Variants in PRELID2 observed in about 807,000 individuals in gnomAD.
PRELID2 encodes the protein PRELI domain-containing protein 2.
In PRELID2, 25 loss-of-function variants were observed where a neutral mutation model predicts 28.4. The observed-to-expected ratio is 0.88, with a 90% CI of 0.64 to 1.23. The LOEUF is 1.23. Among genes scored for constraint, PRELID2 ranks in the 50% most tolerant of loss-of-function variants. PRELID2 has a pLI of 0.00. For synonymous variants in PRELID2, 76 were observed against 71.6 expected (o/e 1.06, Z -0.31); for missense variants, 201 against 214.4 (o/e 0.94, Z 0.39).
At position 145,559,421 on chromosome 5, in the gene PRELID2, T is replaced by C. The variant is rs552591819; in HGVS notation, n.71-86106A>G. Among the ~76,000 whole-genome samples, 10 of 152,326 alleles carry C rather than the reference T, an allele frequency of 6.6e-5. No homozygotes were observed. The East Asian group carries it at 1.9e-3, about 29-fold the overall frequency. On this transcript the variant is annotated intron_variant and non_coding_transcript_variant, in intron 1 of 2. Coordinates refer to the PRELID2 transcript ENST00000510259. ...CTGACCTGAAAATATTCTGTTACAC[T>C]AAGCTTAAAAGGCTGCAGAACATCA...
At chr5:145,823,723 T>C (rs1754986395) in intron 1 of PRELID2, among the ~76,000 whole-genome samples, 1 of 152,186 alleles carries the variant, frequency 6.6e-6, no homozygotes, top group African/African-American at 2.4e-5. Context: ...GTCATAGAAG[T>C]ATGCTTTGCT....
the PRELID2 span, among the ~76,000 whole-genome samples, chr5:145,356,036 A>G: frequency 2.0e-5 from 3 of 152,166 alleles, no homozygotes; most frequent in African/African-American, 7.2e-5. Flanking sequence ...AATTCTTCCA[A>G]TGTCTTACTA....
At chr5:145,774,564 C>A (rs1224237803) in intron 5 of PRELID2, among the ~76,000 whole-genome samples, 2 of 152,212 alleles carry the variant, frequency 1.3e-5, no homozygotes, top group East Asian at 3.9e-4. Context: ...CATAATGGGA[C>A]TCCCGCAGTG....
intron 1 of PRELID2, among the ~76,000 whole-genome samples, chr5:145,584,820 C>T (rs537268284): frequency 1.3e-3 from 203 of 152,232 alleles, no homozygotes; most frequent in African/African-American, 4.5e-3. Flanking sequence ...AAAGGGAACA[C>T]TTTTACACTG....
intron 1 of PRELID2, among the ~76,000 whole-genome samples, chr5:145,536,014 G>C (rs1248570875): frequency 6.6e-6 from 1 of 151,856 alleles, no homozygotes; most frequent in East Asian, 1.9e-4. Flanking sequence ...ATCTAATCAA[G>C]GTTAGTTAGA....
chr5:145,400,643 T>C, the PRELID2 span, among the ~76,000 whole-genome samples: 1 of 152,110 alleles, frequency 6.6e-6, no homozygotes, highest in Non-Finnish European at 1.5e-5. Context: ...TTTTCATTTT[T>C]CTCCTCAGCG....
At chr5:145,249,727 C>T in the PRELID2 span, among the ~76,000 whole-genome samples, 1 of 152,034 alleles carries the variant, frequency 6.6e-6, no homozygotes, top group Non-Finnish European at 1.5e-5. Context: ...GTTTTATTCT[C>T]TAGTATTAAG....
chr5:145,609,434 C>T (rs1753574991), intron 1 of PRELID2, among the ~76,000 whole-genome samples: 1 of 152,200 alleles, frequency 6.6e-6, no homozygotes, highest in Non-Finnish European at 1.5e-5. Flanking sequence ...GTCTCTGTAC[C>T]TTCATTTCCT....
the PRELID2 span, among the ~76,000 whole-genome samples, chr5:145,246,341 G>T: frequency 6.6e-6 from 1 of 152,040 alleles, no homozygotes; most frequent in Non-Finnish European, 1.5e-5. Flanking sequence ...AAGTACCGGG[G>T]ATATAATAGT....
At chr5:145,300,858 C>A in the PRELID2 span, among the ~76,000 whole-genome samples, 2 of 151,274 alleles carry the variant, frequency 1.3e-5, no homozygotes, top group Non-Finnish European at 3.0e-5. Flanking sequence ...GTCTTCTATT[C>A]GATTTTGTTT....
the PRELID2 span, among the ~76,000 whole-genome samples, chr5:145,324,989 G>A: frequency 6.6e-6 from 1 of 152,172 alleles, no homozygotes; most frequent in African/African-American, 2.4e-5. Flanking sequence ...GAAAAGTCAT[G>A]GGGTTCAAGT....
the PRELID2 span, among the ~76,000 whole-genome samples, chr5:145,249,797 A>T: frequency 6.6e-6 from 1 of 152,160 alleles, no homozygotes; most frequent in Non-Finnish European, 1.5e-5. Flanking sequence ...GAAAAAAGAC[A>T]TAATTTTAAA....
rs1753265460 is a variant in PRELID2, at chr5:145,803,316, C to T, written c.369-6769G>A. On this transcript the variant is annotated intron_variant, in intron 4 of 6. Transcript: ENST00000683046. ...GAACCCATTTACATAACTGCCTCCACAGAAAACCAATGCAATTTGCAGAGC... is the reference window on the plus strand; with the variant it reads ...GAACCCATTTACATAACTGCCTCCATAGAAAACCAATGCAATTTGCAGAGC... 1.3e-5 allele frequency among the ~76,000 whole-genome samples: 2 copies of T among 152,158 alleles called. 1 individual carries two copies. The highest frequency in any genetic ancestry group is 4.8e-5 in the African/African-American group (2 of 41,438).
At position 145,481,845 on chromosome 5, in the gene PRELID2, A is replaced by G. The variant is rs1580953342; in HGVS notation, n.71-8530T>C. On this transcript the variant is annotated intron_variant and non_coding_transcript_variant, in intron 1 of 2. Transcript: ENST00000510259. ...AATTGTATAGCACAGTATTTTAGAAATTAAATTCTGTATTGGTTCATTTGT... is the reference window on the plus strand; with the variant it reads ...AATTGTATAGCACAGTATTTTAGAAGTTAAATTCTGTATTGGTTCATTTGT... Among the ~76,000 whole-genome samples, 4 of 152,184 alleles carry G rather than the reference A, an allele frequency of 2.6e-5. No homozygotes were observed. The East Asian group carries it at 7.7e-4, about 29-fold the overall frequency.
At chr5:145,698,252 T>C (rs1007185279) in intron 1 of PRELID2, among the ~76,000 whole-genome samples, 5 of 152,210 alleles carry the variant, frequency 3.3e-5, no homozygotes, top group Non-Finnish European at 4.4e-5. Flanking sequence ...GAATGGTTAT[T>C]TGTCAGGTAC....
intron 1 of PRELID2, among the ~76,000 whole-genome samples, chr5:145,825,195 C>T (rs1288892312): frequency 7.8e-6 from 1 of 128,798 alleles, no homozygotes; most frequent in Non-Finnish European, 1.6e-5. Flanking sequence ...CACTGCACTC[C>T]AGCCTCGGTG....
chr5:145,591,646 T>TA, intron 1 of PRELID2, among the ~76,000 whole-genome samples: 1 of 152,018 alleles, frequency 6.6e-6, no homozygotes, highest in Non-Finnish European at 1.5e-5. Context: ...ATTTTTTTCA[T>TA]AAAAAAGCAC....
At chr5:145,323,325 AAGAAGGT>A in the PRELID2 span, among the ~76,000 whole-genome samples, 1 of 152,244 alleles carries the variant, frequency 6.6e-6, no homozygotes. Context: ...GGGCTGAAGT[AAGAAGGT>A]AGAACAATGG....
At chr5:145,583,449 G>T (rs543151284) in intron 1 of PRELID2, among the ~76,000 whole-genome samples, 1 of 152,124 alleles carries the variant, frequency 6.6e-6, no homozygotes, top group African/African-American at 2.4e-5. Flanking sequence ...AGGGCAATTA[G>T]GCAAGAAAAA....
Sources: allele counts gnomAD v4.1 joint callset (sites outside exome capture counted in the v4.1 genomes callset), GRCh38; gene constraint gnomAD v4.1.1; transcripts MANE v1.5; gene names NCBI Gene and HGNC (gene_info 2026-07-23, HGNC 2026-07-21).